HACD2: variants seen among roughly 807,000 people sequenced by gnomAD.
HACD2 encodes very-long-chain (3R)-3-hydroxyacyl-CoA dehydratase 2.
HACD2 carries 15 observed loss-of-function variants against 31.0 expected under a neutral mutation model. The ratio of observed to expected loss-of-function variants is 0.48; its 90% CI spans 0.32 to 0.75. HACD2 has a LOEUF of 0.75. Among genes scored for constraint, HACD2 ranks in the 30% least tolerant of loss-of-function variants. HACD2 has a pLI of 0.03. For missense variants in HACD2, 283 were observed against 313.0 expected, an observed-to-expected ratio of 0.90 and a Z score of 0.72; for synonymous variants, 115 against 122.2, an observed-to-expected ratio of 0.94 and a Z score of 0.39.
chr3:123,559,587 G>A (rs1047470921), intron 3 of HACD2, among the ~76,000 whole-genome samples: 1 of 152,222 alleles, frequency 6.6e-6, no homozygotes, highest in Admixed American at 6.5e-5. Context: ...ACTAGGCCCA[G>A]AGGGAAGGTG....
chr3:123,574,600 C>G (rs2056888731), intron 2 of HACD2, among the ~76,000 whole-genome samples: 1 of 151,810 alleles, frequency 6.6e-6, no homozygotes. Context: ...CTTCCTTTTT[C>G]AAAAAACTTT....
At chr3:123,553,820 C>T (rs2056644730) in intron 3 of HACD2, among the ~76,000 whole-genome samples, 1 of 151,872 alleles carries the variant, frequency 6.6e-6, no homozygotes, top group Non-Finnish European at 1.5e-5. Flanking sequence ...TGTATCTGGC[C>T]CAAGAGTCTC....
rs1160367797 is a variant in HACD2 at position 123,584,945 on chromosome 3, G to A, written c.83C>T (p.Thr28Met). 7.9e-6 allele frequency: 12 copies of A among 1,528,508 alleles called. No homozygotes were observed. The highest frequency in any genetic ancestry group is 1.1e-5 in the Non-Finnish European group (12 of 1,137,848). The allele number at this position is 1,528,508 out of a possible 1,614,324, so 94.7% of individuals were successfully genotyped here. ...GRAGAGDASG[T>M]RKKKGPGPLA... Reference sequence around the variant, plus strand: ...GGGCCCCGGGCCCTTCTTCTTCCGCGTGCCGCTGGCGTCCCCGGCCCCGGC... The same window carrying A: ...GGGCCCCGGGCCCTTCTTCTTCCGCATGCCGCTGGCGTCCCCGGCCCCGGC... Residue 28 changes from threonine to methionine, a missense_variant, in exon 1 of 7, where the codon ACG (threonine) becomes ATG (methionine). Physicochemically the swap from Thr to Met is moderately conservative, Grantham distance 81. Transcript: ENST00000383657.
Position 123,516,335 on chromosome 3 carries a change from C to T in HACD2, c.381+12051G>A, listed in dbSNP as rs758939835. 5.3e-4 allele frequency among the ~76,000 whole-genome samples: 81 copies of T among 151,550 alleles called. 1 individual carries two copies. Among genetic ancestry groups the T allele is most frequent in the Middle Eastern group, 6.8e-3 (2 of 292 alleles). On this transcript the variant is annotated intron_variant, in intron 4 of 6. Coordinates refer to ENST00000383657, the MANE Select transcript of HACD2 (RefSeq NM_198402.5). ...CTGCAACCTCCGCCTCCCGGGTTCA[C>T]GCCATTCTCCTGCCTCAGCCTCCCG...
In HACD2 at chr3:123,542,741, A is replaced by C. The variant is rs953874624; in HGVS notation, c.293-14267T>G. 5.3e-5 allele frequency among the ~76,000 whole-genome samples: 8 copies of C among 152,272 alleles called. No individual in the cohort carries two copies. In the South Asian group the frequency reaches 8.3e-4, roughly 16 times the overall value. ...ATCAGGTATTTTGTAGTAATTTAGA[A>C]GTATTAGTGAATACAAGATGAGCCG... On this transcript the variant is annotated intron_variant, in intron 3 of 6. Transcript: ENST00000383657.
intron 4 of HACD2, among the ~76,000 whole-genome samples, chr3:123,509,443 T>C (rs565749740): frequency 6.6e-6 from 1 of 151,644 alleles, no homozygotes; most frequent in Non-Finnish European, 1.5e-5. Flanking sequence ...ATTTGGCCTA[T>C]AGGCCAACCT....
Position 123,494,690 on chromosome 3 carries a change from G to A in HACD2, c.*198C>T. 1 of 596,500 alleles carries A rather than the reference G, an allele frequency of 1.7e-6. No individual in the cohort carries two copies. The highest frequency in any genetic ancestry group is 2.9e-6 in the Non-Finnish European group (1 of 340,162). 37.0% of individuals were successfully genotyped at this position (596,500 alleles called of 1,614,324 possible). A position where few individuals can be genotyped will look rare whatever the true frequency, so the allele number is the denominator to read the frequency against. On this transcript the variant is annotated 3_prime_UTR_variant, in exon 7 of 7. Coordinates refer to ENST00000383657, the MANE Select transcript of HACD2 (RefSeq NM_198402.5). The stretch of plus-strand genomic sequence containing the variant: ...AGAGCATGCTGAAATGAACTGGCCA[G>A]GGTGTTTTATGTAACAACCTTTTTC...
intron 3 of HACD2, among the ~76,000 whole-genome samples, chr3:123,532,453 T>C (rs901660729): frequency 7.2e-5 from 11 of 152,182 alleles, no homozygotes; most frequent in Admixed American, 2.6e-4. Flanking sequence ...AAAGAACAGA[T>C]GGCCACATAG....
In HACD2 at chr3:123,561,928, C is replaced by T. The variant is rs544048848; in HGVS notation, c.292+5834G>A. On this transcript the variant is annotated intron_variant, in intron 3 of 6. Coordinates refer to ENST00000383657, the MANE Select transcript of HACD2 (RefSeq NM_198402.5). ...CTGGGTTCAAGTGATTCTCCCACCT[C>T]AGCCTCCCAAGTAGCTGGGACTACA... is the stretch of plus-strand genomic sequence containing the variant. Among the ~76,000 whole-genome samples, 8 of 152,274 alleles carry T rather than the reference C, an allele frequency of 5.3e-5. No homozygotes were observed. In the East Asian group the frequency reaches 1.4e-3, roughly 26 times the overall value.
At chr3:123,505,386 C>A (rs2055962012) in intron 4 of HACD2, among the ~76,000 whole-genome samples, 1 of 152,164 alleles carries the variant, frequency 6.6e-6, no homozygotes, top group Admixed American at 6.5e-5. Flanking sequence ...GAACTATACA[C>A]TTAGAAGTGG....
intron 1 of HACD2, among the ~76,000 whole-genome samples, chr3:123,584,045 C>G (rs1325203030): frequency 6.6e-6 from 1 of 152,124 alleles, no homozygotes; most frequent in Non-Finnish European, 1.5e-5. Flanking sequence ...TCCTCCTCAC[C>G]AAAATGACAA....
chr3:123,500,951 A>G (rs2055895135), intron 5 of HACD2, among the ~76,000 whole-genome samples: 1 of 152,166 alleles, frequency 6.6e-6, no homozygotes, highest in Non-Finnish European at 1.5e-5. Flanking sequence ...AAAATAAACA[A>G]CTCTTCAAAA....
chr3:123,512,781 A>G (rs2056079943), intron 4 of HACD2, among the ~76,000 whole-genome samples: 1 of 152,222 alleles, frequency 6.6e-6, no homozygotes, highest in Non-Finnish European at 1.5e-5. Flanking sequence ...CATGATTTAT[A>G]TACACACACA....
At chr3:123,514,469 A>G (rs1302843764) in intron 4 of HACD2, among the ~76,000 whole-genome samples, 1 of 152,212 alleles carries the variant, frequency 6.6e-6, no homozygotes, top group African/African-American at 2.4e-5. Context: ...CCGGGGGTAC[A>G]ATGAGAAGGA....
chr3:123,578,865 A>T (rs1441798765), intron 2 of HACD2, among the ~76,000 whole-genome samples: 1 of 152,226 alleles, frequency 6.6e-6, no homozygotes, highest in Non-Finnish European at 1.5e-5. Flanking sequence ...GTAATTAAAC[A>T]ATACCACACA....
chr3:123,577,516 G>A (rs2056920530), intron 2 of HACD2, among the ~76,000 whole-genome samples: 1 of 151,732 alleles, frequency 6.6e-6, no homozygotes, highest in African/African-American at 2.4e-5. Flanking sequence ...AGCTACTCGG[G>A]AAGCTGAGGC....
At chr3:123,576,059 T>C (rs568213371) in intron 2 of HACD2, among the ~76,000 whole-genome samples, 17 of 152,318 alleles carry the variant, frequency 1.1e-4, no homozygotes, top group African/African-American at 4.1e-4. Context: ...ATTGTTTTTC[T>C]GTTATAATGT....
chr3:123,571,229 A>G (rs2056852767), intron 2 of HACD2, among the ~76,000 whole-genome samples: 1 of 152,230 alleles, frequency 6.6e-6, no homozygotes, highest in African/African-American at 2.4e-5. Flanking sequence ...TTTCATACCA[A>G]TGATGGTGGT....
chr3:123,516,746 G>C (rs927507985), intron 4 of HACD2, among the ~76,000 whole-genome samples: 5 of 152,178 alleles, frequency 3.3e-5, no homozygotes, highest in African/African-American at 1.2e-4. Context: ...ATACATGATC[G>C]ATTCTGCATT....
Sources: gnomAD v4.1 joint callset for allele counts (sites outside exome capture counted in the v4.1 genomes callset) on GRCh38, gnomAD v4.1.1 for gene constraint, MANE v1.5 for transcripts, NCBI Gene and HGNC (gene_info 2026-07-23, HGNC 2026-07-21) for gene names.